The following AGAP1 variants were observed in gnomAD, a reference collection of about 807,000 sequenced individuals.
AGAP1 encodes the protein ArfGAP with GTPase domain, ankyrin repeat and PH domain 1.
Under a neutral mutation model 105.3 loss-of-function variants are expected in AGAP1, and 29 were observed. That is an observed-to-expected ratio of 0.28 (90% confidence interval 0.21 to 0.38). The LOEUF is 0.38. AGAP1 is among the 10% of genes least tolerant of loss of function. The probability of loss-of-function intolerance (pLI) is 1.00; values close to 1 mark genes in which losing one functional copy is unlikely to be tolerated. For synonymous variants in AGAP1, 509 were observed against 485.9 expected, an observed-to-expected ratio of 1.05 and a Z score of -0.63; for missense variants, 998 against 1,165.1, an observed-to-expected ratio of 0.86 and a Z score of 2.09.
intron 15 of AGAP1, 53 bp from the exon 16 acceptor site, chr2:236,049,006 G>A: frequency 1.3e-6 from 2 of 1,505,256 alleles, no homozygotes; most frequent in South Asian, 2.4e-5. Flanking sequence ...AGAACGGTTG[G>A]AATGATGCAT....
chr2:235,504,080 C>T (rs1013930781), intron 1 of AGAP1, among the ~76,000 whole-genome samples: 14 of 152,170 alleles, frequency 9.2e-5, no homozygotes, highest in East Asian at 7.7e-4. Flanking sequence ...GATGGGGTCT[C>T]GCTATGTTGC....
intron 6 of AGAP1, among the ~76,000 whole-genome samples, chr2:235,796,727 G>A (rs1957261137): frequency 6.6e-6 from 1 of 152,172 alleles, no homozygotes; most frequent in South Asian, 2.1e-4. Context: ...ACCTATTGCT[G>A]GGGAGAGATG....
At chr2:235,797,693 C>A in intron 6 of AGAP1, 66 bp from the exon 7 acceptor site, 1 of 1,595,876 alleles carries the variant, frequency 6.3e-7, no homozygotes, top group Non-Finnish European at 8.6e-7. Flanking sequence ...GACTGATGAT[C>A]TCTGCTCTGT....
In AGAP1 at chr2:235,930,716, C is replaced by T. The variant is rs751613550; in HGVS notation, c.1325-49C>T. 63 of 1,583,098 alleles carry T rather than the reference C, an allele frequency of 4.0e-5. No homozygotes were observed. The Middle Eastern group carries it at 7.3e-4, about 18-fold the overall frequency. Reference sequence around the variant, plus strand: ...CCCATAGACTAACTCGCGCTGGTTTCTGTGGTCTGCAGTCCGCGGTGGTGT... The same window carrying T: ...CCCATAGACTAACTCGCGCTGGTTTTTGTGGTCTGCAGTCCGCGGTGGTGT... On this transcript the variant is annotated intron_variant, in intron 11 of 17. Transcript: ENST00000304032. This position sits in a 1 kb window ranked among gnomAD's most constrained non-coding sequence, Gnocchi z 7.9.
At chr2:235,833,477 C>T (rs531473940) in intron 9 of AGAP1, among the ~76,000 whole-genome samples, 2 of 152,232 alleles carry the variant, frequency 1.3e-5, no homozygotes, top group African/African-American at 4.8e-5. Context: ...CTCTCTGAAA[C>T]ACCTAAACCA....
Position 235,754,702 on chromosome 2 carries a change from C to T in AGAP1, c.673+4214C>T, listed in dbSNP as rs1032114731. Among the ~76,000 whole-genome samples the T allele has an allele frequency of 3.9e-5, 6 of 152,230 alleles. No individual in the cohort carries two copies. Among genetic ancestry groups the T allele is most frequent in the Non-Finnish European group, 5.9e-5 (4 of 68,038 alleles). The stretch of plus-strand genomic sequence containing the variant: ...CTGTAGGTGTTGGGAAGCAGCCTAG[C>T]AGGCTGGTTCATCCACCCAGTCACT... On this transcript the variant is annotated intron_variant, in intron 6 of 17. Transcript: ENST00000304032. This position sits in a 1 kb window ranked among gnomAD's most constrained non-coding sequence, Gnocchi z 4.6.
rs140382179 is a variant in AGAP1, at chr2:235,776,257, G to A, written c.674-21502G>A. Among the ~76,000 whole-genome samples, 568 of 152,204 alleles carry A rather than the reference G, an allele frequency of 3.7e-3. 4 individuals are homozygous for A. The highest frequency in any genetic ancestry group is 0.013 in the African/African-American group (540 of 41,512). On this transcript the variant is annotated intron_variant, in intron 6 of 17. Coordinates refer to ENST00000304032, the MANE Select transcript of AGAP1 (RefSeq NM_001037131.3). ...GAGGAGGGTGGGGCTCCAAGGCCTC[G>A]CAGGGGTGGTCAGGACTGGTGTTGC...
At chr2:235,803,429 C>T (rs1204000851) in intron 8 of AGAP1, among the ~76,000 whole-genome samples, 1 of 152,158 alleles carries the variant, frequency 6.6e-6, no homozygotes, top group African/African-American at 2.4e-5. Flanking sequence ...TGATTATAGG[C>T]ATAAACTGTC....
intron 9 of AGAP1, among the ~76,000 whole-genome samples, chr2:235,828,368 C>T (rs1248772765): frequency 1.3e-5 from 2 of 152,130 alleles, no homozygotes; most frequent in Non-Finnish European, 2.9e-5. Flanking sequence ...AATCTCAATT[C>T]TCACAACCAC....
At chr2:235,984,673 A>G (rs1009265653) in intron 13 of AGAP1, among the ~76,000 whole-genome samples, 13 of 152,018 alleles carry the variant, frequency 8.6e-5, no homozygotes, top group South Asian at 2.1e-4. Flanking sequence ...TCGATGTTCA[A>G]TTCCCACTTA....
chr2:235,671,387 T>A (rs1490343336), intron 1 of AGAP1, among the ~76,000 whole-genome samples: 1 of 152,184 alleles, frequency 6.6e-6, no homozygotes, highest in Non-Finnish European at 1.5e-5. Flanking sequence ...CTGAGCTGGC[T>A]GCCCGCGACA....
rs1161534770 is a variant in AGAP1, at chr2:235,734,766, A to G, written c.311-6197A>G. Among the ~76,000 whole-genome samples, 1 of 152,196 alleles carries G rather than the reference A, an allele frequency of 6.6e-6. No homozygotes were observed. The highest frequency in any genetic ancestry group is 2.4e-5 in the African/African-American group (1 of 41,454). ...ATGCTGCAAAACGCAGCAAACACGGAGGCTGCCGGCTTTGTTTCTGTAGGG... is the reference window on the plus strand; with the variant it reads ...ATGCTGCAAAACGCAGCAAACACGGGGGCTGCCGGCTTTGTTTCTGTAGGG... On this transcript the variant is annotated intron_variant, in intron 3 of 17. Coordinates refer to ENST00000304032, the MANE Select transcript of AGAP1 (RefSeq NM_001037131.3). This position sits in a 1 kb window ranked among gnomAD's most constrained non-coding sequence, Gnocchi z 5.3.
chr2:235,804,615 T>C (rs1216549794), intron 8 of AGAP1, among the ~76,000 whole-genome samples: 1 of 152,240 alleles, frequency 6.6e-6, no homozygotes, highest in African/African-American at 2.4e-5. Context: ...AGTTAGTTGA[T>C]GGGAGTGTCC....
intron 1 of AGAP1, among the ~76,000 whole-genome samples, chr2:235,519,838 A>G (rs1271479255): frequency 1.3e-5 from 2 of 152,040 alleles, no homozygotes; most frequent in Non-Finnish European, 2.9e-5. Context: ...GCTCGAGTGC[A>G]ATGGCATGAT....
intron 5 of AGAP1, among the ~76,000 whole-genome samples, chr2:235,745,814 A>G (rs1162290308): frequency 1.3e-5 from 2 of 152,204 alleles, no homozygotes; most frequent in Non-Finnish European, 2.9e-5. Flanking sequence ...AAGCCCAGAT[A>G]AATAGTGTGG....
At chr2:236,111,924 G>A (rs2059655482) in intron 16 of AGAP1, among the ~76,000 whole-genome samples, 1 of 152,156 alleles carries the variant, frequency 6.6e-6, no homozygotes, top group African/African-American at 2.4e-5. Context: ...GTTGCCTTTT[G>A]ATTGGAGTCA....
At position 235,919,175 on chromosome 2, in the gene AGAP1, G is replaced by A. The variant is rs1199403201; in HGVS notation, c.1324+10269G>A. On this transcript the variant is annotated intron_variant, in intron 11 of 17. Transcript: ENST00000304032. The surrounding 1 kb of genome is among the most constrained non-coding windows in gnomAD (Gnocchi z 4.1). ...TGAATTACCCGCGCCCCCTCCACCA[G>A]GGAGCCAGCTGCCAGCCCCGGGGGC... 1.3e-5 allele frequency among the ~76,000 whole-genome samples: 2 copies of A among 152,136 alleles called. No homozygotes were observed. Among genetic ancestry groups the A allele is most frequent in the African/African-American group, 4.8e-5 (2 of 41,440 alleles).
chr2:235,596,879 C>T lies in AGAP1; in HGVS notation c.163+102030C>T, dbSNP rs1048175920. Among the ~76,000 whole-genome samples, 5 of 152,054 alleles carry T rather than the reference C, an allele frequency of 3.3e-5. No individual in the cohort carries two copies. The highest frequency in any genetic ancestry group is 2.0e-4 in the Admixed American group (3 of 15,268). ...TGGGAGTGGACCCCTTGTGGTGGCA[C>T]GAATGCCCCTCAGGAGCGCTTGCTC... On this transcript the variant is annotated intron_variant, in intron 1 of 17. Coordinates refer to ENST00000304032, the MANE Select transcript of AGAP1 (RefSeq NM_001037131.3). The surrounding 1 kb of genome is among the most constrained non-coding windows in gnomAD (Gnocchi z 5.9).
chr2:235,503,191 A>C (rs1941640334), intron 1 of AGAP1, among the ~76,000 whole-genome samples: 1 of 152,294 alleles, frequency 6.6e-6, no homozygotes, highest in South Asian at 2.1e-4. Flanking sequence ...GTAATGAAAA[A>C]GAAATTGATT....
Sources: allele counts gnomAD v4.1 joint callset (sites outside exome capture counted in the v4.1 genomes callset), GRCh38; gene constraint gnomAD v4.1.1; non-coding constraint Gnocchi (gnomAD v3.1); transcripts MANE v1.5; gene names NCBI Gene and HGNC (gene_info 2026-07-23, HGNC 2026-07-21).